TTL: variants seen among roughly 807,000 people sequenced by gnomAD.
The protein encoded by TTL is tubulin--tyrosine ligase.
TTL carries 10 observed loss-of-function variants against 41.1 expected under a neutral mutation model. That is an observed-to-expected ratio of 0.24 (90% CI 0.15 to 0.41). The LOEUF is 0.41. Ranked by LOEUF, TTL falls within the 10% of genes least tolerant of loss-of-function variation. The pLI, the probability that TTL is intolerant of heterozygous loss-of-function variation, is 1.00. For missense variants in TTL, 367 were observed against 460.4 expected, an observed-to-expected ratio of 0.80 and a Z score of 1.86; for synonymous variants, 175 against 175.5, an observed-to-expected ratio of 1.00 and a Z score of 0.02.
In TTL at chr2:112,502,987, A is replaced by G. The variant is rs376708649; in HGVS notation, c.681A>G (p.Pro227=). 174 of 1,614,124 alleles carry G rather than the reference A, an allele frequency of 1.1e-4. No individual in the cohort carries two copies. The highest frequency in any genetic ancestry group is 1.4e-4 in the Non-Finnish European group (167 of 1,180,006). The change falls in exon 5 of 7, where the codon CCA becomes CCG. Residue 227 remains proline (P), a synonymous_variant. Coordinates refer to ENST00000233336, the MANE Select transcript of TTL (RefSeq NM_153712.5). ...REGVLRTASE[P]YHVDNFQDKT... ...GTGTGCTTCGGACTGCTTCAGAACC[A>G]TATCATGTTGATAATTTCCAAGACA...
Position 112,482,661 on chromosome 2 carries a change from C to A in TTL, c.157+160C>A, listed in dbSNP as rs373819262. ...CGGATTCGGAAAGATCGAAACCTGT[C>A]GTTTTTAATGCTTTCTTGTCTCCTA... On this transcript the variant is annotated intron_variant, in intron 1 of 6. Transcript: ENST00000233336. This position sits in a 1 kb window ranked among gnomAD's most constrained non-coding sequence, Gnocchi z 5.3. Among the ~76,000 whole-genome samples the A allele has an allele frequency of 6.6e-6, 1 of 152,248 alleles. No individual in the cohort carries two copies. Among genetic ancestry groups the A allele is most frequent in the Non-Finnish European group, 1.5e-5 (1 of 68,042 alleles).
chr2:112,496,703 G>A (rs953724379), intron 3 of TTL, among the ~76,000 whole-genome samples: 5 of 111,060 alleles, frequency 4.5e-5, no homozygotes, highest in Admixed American at 1.1e-4. Flanking sequence ...GTGTGTGTGT[G>A]TGTGTATTTT....
At chr2:112,494,078 C>A in intron 2 of TTL, 65 bp from the exon 3 acceptor site, 4 of 1,301,392 alleles carry the variant, frequency 3.1e-6, no homozygotes, top group Non-Finnish European at 4.3e-6. Flanking sequence ...AAAGGAGTGG[C>A]CTTTCTGAAG....
rs1313617551 is a variant in TTL at position 112,533,677 on chromosome 2, ATAAC to A, written c.*4887_*4890del. 2.0e-5 allele frequency: 3 copies of A among 152,222 alleles called. No individual in the cohort carries two copies. The highest frequency in any genetic ancestry group is 4.4e-5 in the Non-Finnish European group (3 of 68,044). 9.4% of individuals were successfully genotyped at this position (152,222 alleles called of 1,614,324 possible). On this transcript the variant is annotated 3_prime_UTR_variant, in exon 7 of 7. Transcript: ENST00000233336. Reference sequence around the variant, plus strand: ...CTTTAACTAGCAACCCATTCCTGTGATAACTAACCCACTCCTGGCATAACATCAT... The same window carrying A: ...CTTTAACTAGCAACCCATTCCTGTGATAACCCACTCCTGGCATAACATCAT...
chr2:112,526,214 C>T (rs527628893), intron 6 of TTL, among the ~76,000 whole-genome samples: 3 of 152,086 alleles, frequency 2.0e-5, no homozygotes, highest in East Asian at 1.9e-4. Context: ...ATTTTTGCAT[C>T]GATGTTCATC....
chr2:112,494,198 T>C lies in TTL; in HGVS notation c.292T>C (p.Tyr98His). The change falls in exon 3 of 7, where the codon TAT (tyrosine) becomes CAT (histidine). Residue 98 changes from tyrosine (Y) to histidine (H), a missense_variant. By Grantham distance (83) the Tyr-to-His change is moderately conservative. Transcript: ENST00000233336. ...AESCTWFPES[Y>H]VIYPTNLKTP... ...GTCCTGCACATGGTTCCCTGAATCTTATGTGATTTATCCAACCAATCTCAA... is the reference window on the plus strand; with the variant it reads ...GTCCTGCACATGGTTCCCTGAATCTCATGTGATTTATCCAACCAATCTCAA... The C allele has an allele frequency of 6.2e-7, 1 of 1,614,194 alleles. No individual in the cohort carries two copies. The highest frequency in any genetic ancestry group is 1.3e-5 in the African/African-American group (1 of 75,036).
chr2:112,491,298 A>T (rs1039437240), intron 2 of TTL, among the ~76,000 whole-genome samples: 1 of 152,132 alleles, frequency 6.6e-6, no homozygotes, highest in East Asian at 1.9e-4. Flanking sequence ...GCTGAGTTTG[A>T]TATTTTTTAA....
chr2:112,487,982 C>T (rs930261873), intron 2 of TTL, among the ~76,000 whole-genome samples: 1 of 152,208 alleles, frequency 6.6e-6, no homozygotes, highest in East Asian at 1.9e-4. Flanking sequence ...ATAGTAGCTC[C>T]TGTTAAACCA....
At chr2:112,510,996 A>G (rs923402290) in intron 5 of TTL, among the ~76,000 whole-genome samples, 4 of 152,062 alleles carry the variant, frequency 2.6e-5, no homozygotes, top group African/African-American at 4.8e-5. Context: ...GTACTTGGCT[A>G]TAATTGGGCA....
At chr2:112,484,447 T>C (rs994986854) in intron 1 of TTL, among the ~76,000 whole-genome samples, 2 of 151,696 alleles carry the variant, frequency 1.3e-5, no homozygotes, top group Non-Finnish European at 2.9e-5. Flanking sequence ...GTATTTTTGG[T>C]AGAGACAAGG....
intron 5 of TTL, among the ~76,000 whole-genome samples, chr2:112,515,635 T>TCAGAA (rs1682048436): frequency 6.6e-6 from 1 of 152,178 alleles, no homozygotes; most frequent in Admixed American, 6.6e-5. Context: ...AAGACTCCTT[T>TCAGAA]GAACTCCCTC....
In TTL at chr2:112,501,133, A is replaced by T. The variant is rs916723052; in HGVS notation, c.470-73A>T. ...CTCTTGTGGGGTTTTTGCTGTTCGT[A>T]TTTCCTTTCTGGATTTATAGAGAGC... On this transcript the variant is annotated intron_variant, in intron 3 of 6. Coordinates refer to ENST00000233336, the MANE Select transcript of TTL (RefSeq NM_153712.5). 3 of 1,497,034 alleles carry T rather than the reference A, an allele frequency of 2.0e-6. No individual in the cohort carries two copies. The African/African-American group carries it at 4.3e-5, about 21-fold the overall frequency. The allele number at this position is 1,497,034 out of a possible 1,614,324, so 92.7% of individuals were successfully genotyped here.
Position 112,482,602 on chromosome 2 carries a change from T to C in TTL, c.157+101T>C. ...GCTTTTGTTTTTAAAGGTCATACAT[T>C]TTCTCCTCTGTCGCTTGTCGGGCAC... On this transcript the variant is annotated intron_variant, in intron 1 of 6. Coordinates refer to ENST00000233336, the MANE Select transcript of TTL (RefSeq NM_153712.5). The surrounding 1 kb of genome is among the most constrained non-coding windows in gnomAD (Gnocchi z 5.3). 7.6e-7 allele frequency: 1 copy of C among 1,307,202 alleles called. No homozygotes were observed. Among genetic ancestry groups the C allele is most frequent in the Non-Finnish European group, 1.0e-6 (1 of 982,604 alleles). 81.0% of individuals were successfully genotyped at this position (1,307,202 alleles called of 1,614,324 possible). A position where few individuals can be genotyped will look rare whatever the true frequency, so the allele number is the denominator to read the frequency against.
chr2:112,483,855 T>C (rs535168560), intron 1 of TTL: 3 of 152,356 alleles, frequency 2.0e-5, no homozygotes, highest in Admixed American at 1.3e-4. Context: ...TCTTAGAATA[T>C]GGAGACTGTG....
At chr2:112,520,612 A>ATTGT in intron 6 of TTL, 187 bp downstream of exon 6, 1 of 577,180 alleles carries the variant, frequency 1.7e-6, no homozygotes, top group Non-Finnish European at 2.8e-6. Context: ...TTCCCCGTGT[A>ATTGT]TAGGCCAGAT....
intron 2 of TTL, among the ~76,000 whole-genome samples, chr2:112,486,500 G>T (rs570184916): frequency 6.6e-6 from 1 of 152,338 alleles, no homozygotes; most frequent in South Asian, 2.1e-4. Flanking sequence ...CCCCAGAGAA[G>T]GGCATATATA....
Position 112,482,867 on chromosome 2 carries a change from C to CGGG in TTL, c.157+366_157+367insGGG, listed in dbSNP as rs554087026. ...GGCGGGTCCGCCGCGCTGGGCGCGGCTCCGCAGAGCGGGCGGCTGGAGTCA... is the reference window on the plus strand; with the variant it reads ...GGCGGGTCCGCCGCGCTGGGCGCGGCGGGTCCGCAGAGCGGGCGGCTGGAGTCA... On this transcript the variant is annotated intron_variant, in intron 1 of 6. Transcript: ENST00000233336. This position sits in a 1 kb window ranked among gnomAD's most constrained non-coding sequence, Gnocchi z 5.3. Among the ~76,000 whole-genome samples the CGGG allele has an allele frequency of 6.2e-4, 94 of 152,292 alleles. 5 individuals are homozygous for CGGG. In the East Asian group the frequency reaches 0.016, roughly 26 times the overall value.
intron 5 of TTL, among the ~76,000 whole-genome samples, chr2:112,503,387 ATGTG>A (rs932856547): frequency 2.1e-5 from 3 of 142,124 alleles, no homozygotes; most frequent in Admixed American, 7.2e-5. Flanking sequence ...GTGTGTGTGT[ATGTG>A]TGTGTGTGTG....
At chr2:112,501,970 A>G (rs1681713606) in intron 4 of TTL, among the ~76,000 whole-genome samples, 1 of 152,238 alleles carries the variant, frequency 6.6e-6, no homozygotes, top group Admixed American at 6.5e-5. Context: ...AGAGATGTGC[A>G]TGGAACACGT....
Sources: allele counts gnomAD v4.1 joint callset (sites outside exome capture counted in the v4.1 genomes callset), GRCh38; gene constraint gnomAD v4.1.1; non-coding constraint Gnocchi (gnomAD v3.1); transcripts MANE v1.5; gene names NCBI Gene and HGNC (gene_info 2026-07-23, HGNC 2026-07-21).